The following NOS1AP variants were observed in gnomAD, a reference collection of about 807,000 sequenced individuals.
NOS1AP encodes the protein nitric oxide synthase 1 adaptor protein.
NOS1AP carries 21 observed loss-of-function variants against 56.2 expected under a neutral mutation model. The ratio of observed to expected loss-of-function variants is 0.37; its 90% CI spans 0.26 to 0.54. The LOEUF is 0.54. Ranked by LOEUF, NOS1AP falls within the 20% of genes least tolerant of loss-of-function variation. The pLI, the probability that NOS1AP is intolerant of heterozygous loss-of-function variation, is 0.84. For synonymous variants in NOS1AP, 270 were observed against 274.6 expected (o/e 0.98, Z 0.17); for missense variants, 522 against 657.8 (o/e 0.79, Z 2.26).
intron 4 of NOS1AP, among the ~76,000 whole-genome samples, chr1:162,320,603 C>A (rs1033963412): frequency 5.3e-5 from 8 of 152,290 alleles, no homozygotes; most frequent in African/African-American, 1.9e-4. Flanking sequence ...CGCCTGTAAT[C>A]CCAGCACTTT....
At chr1:162,091,555 A>T (rs2102023009) in intron 1 of NOS1AP, among the ~76,000 whole-genome samples, 1 of 152,280 alleles carries the variant, frequency 6.6e-6, no homozygotes, top group East Asian at 1.9e-4. Flanking sequence ...GAATTGGGAT[A>T]TTGCTTTTAA....
At chr1:162,139,066 C>A (rs1056724555) in intron 1 of NOS1AP, among the ~76,000 whole-genome samples, 1 of 152,174 alleles carries the variant, frequency 6.6e-6, no homozygotes. Context: ...AAGCATCTGG[C>A]AGAAGGCTCC....
chr1:162,086,678 G>A (rs1432926301), intron 1 of NOS1AP, among the ~76,000 whole-genome samples: 1 of 152,200 alleles, frequency 6.6e-6, no homozygotes, highest in Non-Finnish European at 1.5e-5. Context: ...ACCCACTGTA[G>A]TGATTTTGCT....
Position 162,343,975 on chromosome 1 carries a change from A to G in NOS1AP, c.594A>G (p.Pro198=), listed in dbSNP as rs756518537. Residue 198 remains proline (P), a splice_region_variant and synonymous_variant, in exon 6 of 10, where the codon CCA becomes CCG. Coordinates refer to ENST00000361897, the MANE Select transcript of NOS1AP (RefSeq NM_014697.3). ...SERNSNSSGD[P]GRQLTGAERA... ...GGAACAGCAACAGCTCAGGAGACCC[A>G]GGTAGGCACTGCGGCTTCTGTGGAT... is the stretch of plus-strand genomic sequence containing the variant. 21 of 1,614,110 alleles carry G rather than the reference A, an allele frequency of 1.3e-5. 1 individual carries two copies. The South Asian group carries it at 2.2e-4, about 17-fold the overall frequency.
chr1:162,179,803 A>G (rs16857964), intron 2 of NOS1AP, among the ~76,000 whole-genome samples: 29,677 of 152,096 alleles, frequency 0.2, 3,100 homozygotes, highest in East Asian at 0.37. Context: ...CTTGCCTGCT[A>G]AAAAGCTTTG....
intron 1 of NOS1AP, among the ~76,000 whole-genome samples, chr1:162,092,400 C>G (rs940486559): frequency 9.2e-5 from 14 of 152,184 alleles, no homozygotes; most frequent in Non-Finnish European, 1.6e-4. Context: ...ACCAGAAGGC[C>G]TGGCTTCGTC....
chr1:162,295,307 A>T (rs1283859034), intron 3 of NOS1AP, among the ~76,000 whole-genome samples: 2 of 152,126 alleles, frequency 1.3e-5, no homozygotes, highest in African/African-American at 4.8e-5. Flanking sequence ...TTTCCCTCAC[A>T]CAGCTACCAA....
chr1:162,261,508 GAGAGAGAGAGAGAGAGAGAGAGAGAGA>G (rs1415504383), intron 2 of NOS1AP, among the ~76,000 whole-genome samples: 254 of 13,634 alleles, frequency 0.019, 71 homozygotes, highest in African/African-American at 0.076. Context: ...GAGAGAGAGA[GAGAGAGAGAGAGAGAGAGAGAGAGAGA>G]GAGAGAGAGA....
intron 4 of NOS1AP, among the ~76,000 whole-genome samples, chr1:162,330,942 G>A (rs1656748046): frequency 6.6e-6 from 1 of 152,180 alleles, no homozygotes; most frequent in Admixed American, 6.5e-5. Flanking sequence ...TGACACCTGG[G>A]TTTCTGGCTT....
chr1:162,287,492 TG>T (rs1655125278), intron 3 of NOS1AP, 56 bp downstream of exon 3: 2 of 1,134,604 alleles, frequency 1.8e-6, no homozygotes, highest in South Asian at 2.5e-5. Flanking sequence ...GAGGTAGGCA[TG>T]GGGTACCTTC....
At chr1:162,154,671 G>A (rs781689435) in intron 2 of NOS1AP, among the ~76,000 whole-genome samples, 195 bp downstream of exon 2, 3 of 152,308 alleles carry the variant, frequency 2.0e-5, no homozygotes, top group South Asian at 2.1e-4. Context: ...TAAAATGGAT[G>A]TGATGGCTGG....
At chr1:162,289,455 G>GC (rs1655211925) in intron 3 of NOS1AP, among the ~76,000 whole-genome samples, 1 of 134,682 alleles carries the variant, frequency 7.4e-6, no homozygotes, top group South Asian at 2.5e-4. Context: ...CTGCCACCAC[G>GC]CCCAGCTACT....
At chr1:162,261,675 T>TC (rs1002246262) in intron 2 of NOS1AP, among the ~76,000 whole-genome samples, 1 of 151,808 alleles carries the variant, frequency 6.6e-6, no homozygotes, top group Non-Finnish European at 1.5e-5. Context: ...GGAAATGGAT[T>TC]CCCCCCATAG....
chr1:162,294,196 TAAGGAAGG>T (rs1193084437), intron 3 of NOS1AP, among the ~76,000 whole-genome samples: 1 of 88,206 alleles, frequency 1.1e-5, no homozygotes, highest in African/African-American at 3.1e-5. Flanking sequence ...AGGAAGGAAG[TAAGGAAGG>T]AAGGAAGGAA....
rs35637289 is a variant in NOS1AP, at chr1:162,255,490, A to ATTTTTTTTTTTTTTTTTTTTTTTT, written c.178-31842_178-31819dup. Among the ~76,000 whole-genome samples, 25 of 60,994 alleles carry ATTTTTTTTTTTTTTTTTTTTTTTT rather than the reference A, an allele frequency of 4.1e-4. 3 individuals carry two copies. The highest frequency in any genetic ancestry group is 5.3e-4 in the Non-Finnish European group (15 of 28,172). The allele number at this position is 60,994 out of a possible 152,430, so 40.0% of individuals were successfully genotyped here. A position where few individuals can be genotyped will look rare whatever the true frequency, so the allele number is the denominator to read the frequency against. ...ATGCATAGGTTATTTGCTGCTGCTG[A>ATTTTTTTTTTTTTTTTTTTTTTTT]TTTTTTTTTTTTTTTTTTTTTTTTT... On this transcript the variant is annotated intron_variant, in intron 2 of 9. Transcript: ENST00000361897.
At chr1:162,182,042 G>A (rs368835749) in intron 2 of NOS1AP, among the ~76,000 whole-genome samples, 1 of 152,206 alleles carries the variant, frequency 6.6e-6, no homozygotes, top group African/African-American at 2.4e-5. Context: ...CCTCAGAGCT[G>A]TACAGTGAGA....
At chr1:162,197,067 G>C (rs1314677308) in intron 2 of NOS1AP, among the ~76,000 whole-genome samples, 1 of 152,228 alleles carries the variant, frequency 6.6e-6, no homozygotes, top group East Asian at 1.9e-4. Context: ...GTAAGGCTCT[G>C]CATGGATATT....
At chr1:162,249,534 C>T (rs907012208) in intron 2 of NOS1AP, among the ~76,000 whole-genome samples, 1 of 152,178 alleles carries the variant, frequency 6.6e-6, no homozygotes, top group Non-Finnish European at 1.5e-5. Flanking sequence ...AGGATTAATT[C>T]TCTTGTCATC....
intron 4 of NOS1AP, among the ~76,000 whole-genome samples, chr1:162,324,416 CTTTTTTTTTTTTTT>C (rs35946766): frequency 9.7e-5 from 7 of 72,140 alleles, no homozygotes; most frequent in African/African-American, 2.0e-4. Flanking sequence ...GGACACTAGC[CTTTTTTTTTTTTTT>C]TTTTTTTTTT....
Sources: allele counts gnomAD v4.1 joint callset (sites outside exome capture counted in the v4.1 genomes callset), GRCh38; gene constraint gnomAD v4.1.1; transcripts MANE v1.5; gene names NCBI Gene and HGNC (gene_info 2026-07-23, HGNC 2026-07-21).